Variants in GPM6A observed in about 807,000 individuals in gnomAD.
The protein encoded by GPM6A is glycoprotein M6A.
Under a neutral mutation model 32.1 loss-of-function variants are expected in GPM6A, and 7 were observed. The ratio of observed to expected loss-of-function variants is 0.22; its 90% CI spans 0.12 to 0.41. The LOEUF (loss-of-function observed/expected upper bound fraction) is 0.41. GPM6A is among the 10% of genes least tolerant of loss of function. The probability of loss-of-function intolerance (pLI) is 1.00; values close to 1 mark genes in which losing one functional copy is unlikely to be tolerated. For missense variants in GPM6A, 235 were observed against 347.2 expected (o/e 0.68, Z 2.57); for synonymous variants, 130 against 123.4 (o/e 1.05, Z -0.35).
intron 1 of GPM6A, among the ~76,000 whole-genome samples, chr4:175,895,017 T>C (rs1043511886): frequency 3.3e-5 from 5 of 152,146 alleles, no homozygotes; most frequent in Non-Finnish European, 7.4e-5. Flanking sequence ...TTACCATCCC[T>C]TTTTTTACTG....
intron 1 of GPM6A, among the ~76,000 whole-genome samples, chr4:175,871,153 ATT>A (rs1736894062): frequency 6.6e-6 from 1 of 151,730 alleles, no homozygotes; most frequent in African/African-American, 2.4e-5. Flanking sequence ...TCGAACCAAA[ATT>A]TTGGAATTTT....
chr4:175,640,114 G>C lies in GPM6A; in HGVS notation c.684+15C>G. ...TTCACATTGAAAACCAAGCACCAGC[G>C]CTTTGAGGTCTTACCATAGCAATGA... On this transcript the variant is annotated intron_variant, in intron 6 of 6. Transcript: ENST00000393658. 1 of 1,597,548 alleles carries C rather than the reference G, an allele frequency of 6.3e-7. No individual in the cohort carries two copies. Among genetic ancestry groups the C allele is most frequent in the Non-Finnish European group, 8.6e-7 (1 of 1,165,038 alleles).
intron 1 of GPM6A, among the ~76,000 whole-genome samples, chr4:175,796,355 A>C (rs1356449164): frequency 3.3e-5 from 5 of 152,202 alleles, no homozygotes; most frequent in Admixed American, 6.5e-5. Context: ...AGATGAATAA[A>C]AATCTGTTTT....
chr4:175,976,263 C>T (rs374467162), intron 1 of GPM6A, among the ~76,000 whole-genome samples: 9 of 150,886 alleles, frequency 6.0e-5, no homozygotes, highest in African/African-American at 1.9e-4. Context: ...CCCAAGTTCA[C>T]GCCATTCTCC....
chr4:175,801,957 G>A (rs944403762), intron 1 of GPM6A, among the ~76,000 whole-genome samples: 10 of 152,040 alleles, frequency 6.6e-5, no homozygotes, highest in Admixed American at 6.5e-4. Flanking sequence ...TCATAAATCA[G>A]TAGCTCCTTT....
intron 6 of GPM6A, among the ~76,000 whole-genome samples, chr4:175,637,758 A>T (rs1377743026): frequency 1.6e-4 from 14 of 88,752 alleles, no homozygotes; most frequent in African/African-American, 6.3e-4. Flanking sequence ...ATAATATATA[A>T]TATAAAAATA....
chr4:175,679,968 A>G (rs1035325922), intron 2 of GPM6A, among the ~76,000 whole-genome samples: 1 of 152,162 alleles, frequency 6.6e-6, no homozygotes, highest in Non-Finnish European at 1.5e-5. Context: ...CTCTCGTCCT[A>G]TTAAAGAGCA....
chr4:175,818,280 T>C (rs1735171083), intron 1 of GPM6A, among the ~76,000 whole-genome samples: 1 of 152,184 alleles, frequency 6.6e-6, no homozygotes, highest in African/African-American at 2.4e-5. Context: ...CTAAAACACT[T>C]TTCCTTCCAC....
chr4:175,734,305 A>C (rs1368973838), intron 1 of GPM6A, among the ~76,000 whole-genome samples: 1 of 152,056 alleles, frequency 6.6e-6, no homozygotes, highest in African/African-American at 2.4e-5. Flanking sequence ...AAAGACCCTC[A>C]ATTAAATTGG....
At chr4:175,828,246 T>C (rs948617196) in intron 1 of GPM6A, among the ~76,000 whole-genome samples, 1 of 152,158 alleles carries the variant, frequency 6.6e-6, no homozygotes, top group South Asian at 2.1e-4. Context: ...TAACAGTTAT[T>C]AGTCAGGGTA....
intron 1 of GPM6A, among the ~76,000 whole-genome samples, chr4:175,811,525 A>G (rs1282069241): frequency 6.6e-6 from 1 of 152,156 alleles, no homozygotes; most frequent in Non-Finnish European, 1.5e-5. Context: ...TCATACAGCC[A>G]GATATACCTA....
In GPM6A at chr4:175,787,131, A is replaced by T. The variant is rs201007341; in HGVS notation, c.37+25060T>A. On this transcript the variant is annotated intron_variant, in intron 1 of 6. Coordinates refer to ENST00000393658, the MANE Select transcript of GPM6A (RefSeq NM_201591.3). ...TGTTTTTGTTTTTTACCCTTGATAC[A>T]TATGACTGTTCAAATCCTTATGAAA... Among the ~76,000 whole-genome samples the T allele has an allele frequency of 1.3e-4, 20 of 152,158 alleles. No homozygotes were observed. The East Asian group carries it at 3.5e-3, about 26-fold the overall frequency.
chr4:175,959,148 C>T lies in GPM6A; in HGVS notation c.-23+43161G>A, dbSNP rs535137566. ...TAGTGACTAAAAACAGAGATTTTGCCAAGAATTCAAAGGAAACTCAAAACA... is the reference window on the plus strand; with the variant it reads ...TAGTGACTAAAAACAGAGATTTTGCTAAGAATTCAAAGGAAACTCAAAACA... On this transcript the variant is annotated intron_variant, in intron 1 of 7. Coordinates refer to the GPM6A transcript ENST00000280187. Among the ~76,000 whole-genome samples the T allele has an allele frequency of 2.6e-5, 4 of 152,152 alleles. No individual in the cohort carries two copies. In the South Asian group the frequency reaches 8.3e-4, roughly 32 times the overall value.
intron 1 of GPM6A, among the ~76,000 whole-genome samples, chr4:175,851,228 G>A (rs1282128692): frequency 3.3e-5 from 5 of 151,408 alleles, no homozygotes; most frequent in Non-Finnish European, 5.9e-5. Context: ...GTGGTGGCGG[G>A]CACCTGTAAT....
intron 1 of GPM6A, chr4:175,811,848 G>T (rs1418562558): frequency 5.5e-6 from 1 of 183,174 alleles, no homozygotes; most frequent in Non-Finnish European, 1.1e-5. Context: ...TTGTATTTGT[G>T]GCTCACACTA....
intron 1 of GPM6A, among the ~76,000 whole-genome samples, chr4:175,849,963 T>A (rs1736201623): frequency 6.6e-6 from 1 of 152,090 alleles, no homozygotes; most frequent in Non-Finnish European, 1.5e-5. Flanking sequence ...AGCAAACTCA[T>A]AAATAGAGAA....
At chr4:175,947,187 T>TA (rs11351091) in intron 1 of GPM6A, among the ~76,000 whole-genome samples, 7,441 of 147,782 alleles carry the variant, frequency 0.05, 290 homozygotes, top group South Asian at 0.19. Flanking sequence ...ACAGAGTCTT[T>TA]AAAAAAAAAA....
chr4:175,740,158 C>T (rs1312486158), intron 1 of GPM6A, among the ~76,000 whole-genome samples: 5 of 151,846 alleles, frequency 3.3e-5, no homozygotes, highest in Admixed American at 6.6e-5. Flanking sequence ...GATTTAATTA[C>T]GTACTCAAAA....
intron 1 of GPM6A, among the ~76,000 whole-genome samples, chr4:175,906,131 A>G (rs1738124459): frequency 6.6e-6 from 1 of 152,170 alleles, no homozygotes; most frequent in Non-Finnish European, 1.5e-5. Flanking sequence ...CAATGGCCAC[A>G]GCTGGATGCA....
Sources: allele counts gnomAD v4.1 joint callset (sites outside exome capture counted in the v4.1 genomes callset), GRCh38; gene constraint gnomAD v4.1.1; transcripts MANE v1.5; gene names NCBI Gene and HGNC (gene_info 2026-07-23, HGNC 2026-07-21).